RAB37: variants seen among roughly 807,000 people sequenced by gnomAD.
The protein encoded by RAB37 is ras-related protein Rab-37.
In RAB37, 29 loss-of-function variants were observed where a neutral mutation model predicts 33.1. The observed-to-expected ratio is 0.88, with a 90% CI of 0.65 to 1.20. RAB37 has a LOEUF of 1.20. Among genes scored for constraint, RAB37 ranks in the 50% most tolerant of loss-of-function variants. The pLI, the probability that RAB37 is intolerant of heterozygous loss-of-function variation, is 0.00. For missense variants in RAB37, 299 were observed against 301.1 expected (o/e 0.99, Z 0.05); for synonymous variants, 128 against 119.5 (o/e 1.07, Z -0.47).
intron 1 of RAB37, among the ~76,000 whole-genome samples, chr17:74,680,470 G>A (rs147857918): frequency 4.6e-5 from 7 of 151,948 alleles, no homozygotes; most frequent in Admixed American, 2.6e-4. Context: ...TTTTTTGTTC[G>A]CTAAGCATGA....
At chr17:74,708,147 C>CA (rs373733638) in intron 1 of RAB37, among the ~76,000 whole-genome samples, 833 of 81,144 alleles carry the variant, frequency 0.01, 4 homozygotes, top group African/African-American at 0.036. Flanking sequence ...GACTCCATCT[C>CA]AAAAAAAAAA....
At chr17:74,716,888 C>G (rs2034171921) in intron 1 of RAB37, among the ~76,000 whole-genome samples, 1 of 152,218 alleles carries the variant, frequency 6.6e-6, no homozygotes, top group Admixed American at 6.5e-5. Flanking sequence ...AATCCCAGCC[C>G]TTTGGGAGGG....
chr17:74,711,405 C>G (rs547419465), intron 1 of RAB37, among the ~76,000 whole-genome samples: 3 of 152,316 alleles, frequency 2.0e-5, no homozygotes, highest in African/African-American at 4.8e-5. Flanking sequence ...TGTGCCAATG[C>G]ATTTCATAAC....
At chr17:74,704,706 A>T in intron 1 of RAB37, 1 of 1,614,108 alleles carries the variant, frequency 6.2e-7, no homozygotes. Flanking sequence ...CGACACCACC[A>T]CTTCAAGTAG....
chr17:74,721,038 A>T (rs1052971920), intron 1 of RAB37, among the ~76,000 whole-genome samples: 1 of 152,088 alleles, frequency 6.6e-6, no homozygotes, highest in Admixed American at 6.5e-5. Flanking sequence ...TCCACTCTTG[A>T]CGTTCAGCTG....
chr17:74,728,769 A>G lies in RAB37; in HGVS notation c.73-487A>G, dbSNP rs111210885. On this transcript the variant is annotated intron_variant, in intron 1 of 7. Transcript: ENST00000340415. Reference sequence around the variant, plus strand: ...TTCTGTGTCTGTATGTGTCTTGTGCATGTATGTTTCTGTGTCATGTGTGTT... The same window carrying G: ...TTCTGTGTCTGTATGTGTCTTGTGCGTGTATGTTTCTGTGTCATGTGTGTT... Among the ~76,000 whole-genome samples, 172 of 148,380 alleles carry G rather than the reference A, an allele frequency of 1.2e-3. 2 individuals carry two copies. The highest frequency in any genetic ancestry group is 6.1e-4 in the East Asian group (3 of 4,946).
intron 1 of RAB37, among the ~76,000 whole-genome samples, chr17:74,726,233 TAAAAA>T (rs11422240): frequency 9.5e-6 from 1 of 105,670 alleles, no homozygotes. Flanking sequence ...AGACTCTGCC[TAAAAA>T]AAAAAAAAAA....
chr17:74,702,738 G>C (rs1262001078), intron 1 of RAB37, among the ~76,000 whole-genome samples: 1 of 152,146 alleles, frequency 6.6e-6, no homozygotes, highest in Non-Finnish European at 1.5e-5. Context: ...GTCCATGTCT[G>C]TGTCCCCAGA....
chr17:74,700,689 T>C (rs894002517), intron 1 of RAB37, among the ~76,000 whole-genome samples: 1 of 151,930 alleles, frequency 6.6e-6, no homozygotes. Flanking sequence ...GAGGCGTAGG[T>C]TGCAGTGAGC....
chr17:74,679,977 C>CA (rs11306402), intron 1 of RAB37, among the ~76,000 whole-genome samples: 29 of 107,266 alleles, frequency 2.7e-4, no homozygotes, highest in Admixed American at 7.4e-4. Context: ...GGCTCTGTCT[C>CA]AAAAAAAAAA....
At position 74,671,412 on chromosome 17, in the gene RAB37, C is replaced by G; in HGVS notation, c.-175C>G. ...TCCTGGAAGAACGTGGCCGCCTGCC[C>G]GCCTGGTACCGCGCCGCGGCCGCTG... On this transcript the variant is annotated 5_prime_UTR_variant, in exon 1 of 8. Coordinates refer to the RAB37 transcript ENST00000340415. This position sits in a 1 kb window ranked among gnomAD's most constrained non-coding sequence, Gnocchi z 5.0. 3 of 612,408 alleles carry G rather than the reference C, an allele frequency of 4.9e-6. No individual in the cohort carries two copies. The highest frequency in any genetic ancestry group is 8.6e-6 in the Non-Finnish European group (3 of 349,018). 37.9% of individuals were successfully genotyped at this position (612,408 alleles called of 1,614,324 possible).
At chr17:74,712,863 G>A (rs1422983387) in intron 1 of RAB37, 3 of 1,613,860 alleles carry the variant, frequency 1.9e-6, no homozygotes, top group East Asian at 2.2e-5. Flanking sequence ...GTCAGCAGGG[G>A]CATCTTCTCT....
At chr17:74,732,603 G>A (rs1410549811), upstream of RAB37, among the ~76,000 whole-genome samples, 4 of 149,448 alleles carry the variant, frequency 2.7e-5, no homozygotes, top group Admixed American at 3.0e-4. Flanking sequence ...GGTGAGGTGT[G>A]TGTGTCTGGG....
intron 3 of RAB37, 89 bp from the exon 4 acceptor site, chr17:74,743,040 A>C: frequency 2.4e-5 from 26 of 1,102,532 alleles, no homozygotes; most frequent in Non-Finnish European, 3.2e-5. Context: ...TCCCACAGAT[A>C]TCTCATACAA....
chr17:74,736,435 C>T (rs913858966), upstream of RAB37: 5 of 671,448 alleles, frequency 7.4e-6, no homozygotes, highest in Non-Finnish European at 9.2e-6. Context: ...CAGGAGCTGC[C>T]GGGTGCCTGG....
chr17:74,737,468 C>T (rs1218070458), intron 1 of RAB37, 103 bp downstream of exon 1: 1 of 1,282,642 alleles, frequency 7.8e-7, no homozygotes, highest in East Asian at 2.6e-5. Context: ...GCTGCGTCTC[C>T]CAGAGGAGGG....
intron 1 of RAB37, among the ~76,000 whole-genome samples, chr17:74,739,773 C>T (rs1040353247): frequency 5.3e-5 from 8 of 151,852 alleles, no homozygotes; most frequent in Non-Finnish European, 1.0e-4. Flanking sequence ...TCAGGTGATC[C>T]GTCCACCTTG....
chr17:74,737,347 C>A lies in RAB37; in HGVS notation c.75C>A (p.Ser25Arg). Residue 25 changes from serine to arginine, a missense_variant, in exon 1 of 9, where the codon AGC becomes AGA. By Grantham distance (110) the Ser-to-Arg change is moderately radical (BLOSUM62 -1). Coordinates refer to ENST00000392613, the MANE Select transcript of RAB37 (RefSeq NM_001006638.3). ...AGCGCTCCCCGCCCTGCAGTCCGAG[C>A]TACGACCTCACGGGCAAGGTGGGTG... ...APERSPPCSP[S>R]YDLTGKVMLL... The A allele has an allele frequency of 6.3e-7, 1 of 1,576,594 alleles. No homozygotes were observed. Among genetic ancestry groups the A allele is most frequent in the Non-Finnish European group, 8.6e-7 (1 of 1,168,722 alleles).
intron 1 of RAB37, among the ~76,000 whole-genome samples, chr17:74,687,905 T>C (rs971513502): frequency 1.3e-5 from 2 of 152,228 alleles, no homozygotes; most frequent in Non-Finnish European, 2.9e-5. Context: ...TCAGTAGATG[T>C]TGGCATAAAG....
Sources: gnomAD v4.1 joint callset for allele counts (sites outside exome capture counted in the v4.1 genomes callset) on GRCh38, gnomAD v4.1.1 for gene constraint, Gnocchi (gnomAD v3.1) non-coding constraint, MANE v1.5 for transcripts, NCBI Gene and HGNC (gene_info 2026-07-23, HGNC 2026-07-21) for gene names.